Variants in AGFG2 observed in about 807,000 individuals in gnomAD.
The protein encoded by AGFG2 is arf-GAP domain and FG repeat-containing protein 2.
Under a neutral mutation model 48.0 loss-of-function variants are expected in AGFG2, and 31 were observed. The ratio of observed to expected loss-of-function variants is 0.65; its 90% CI spans 0.49 to 0.87. AGFG2 has a LOEUF of 0.87. Among genes scored for constraint, AGFG2 ranks in the 40% least tolerant of loss-of-function variants. The pLI is 0.00. For synonymous variants in AGFG2, 229 were observed against 260.8 expected, an observed-to-expected ratio of 0.88 and a Z score of 1.18; for missense variants, 599 against 632.6, an observed-to-expected ratio of 0.95 and a Z score of 0.57.
Position 100,562,992 on chromosome 7 carries a change from A to G in AGFG2, c.1171+46A>G. On this transcript the variant is annotated intron_variant, in intron 9 of 11. Coordinates refer to ENST00000300176, the MANE Select transcript of AGFG2 (RefSeq NM_006076.5). This position sits in a 1 kb window ranked among gnomAD's most constrained non-coding sequence, Gnocchi z 5.4. ...CTTGTCCTGACCATCTGAGACTTCCAAGGCACACATTACCCTGCAGCCTCT... is the reference window on the plus strand; with the variant it reads ...CTTGTCCTGACCATCTGAGACTTCCGAGGCACACATTACCCTGCAGCCTCT... 2 of 1,535,036 alleles carry G rather than the reference A, an allele frequency of 1.3e-6. No individual in the cohort carries two copies. Among genetic ancestry groups the G allele is most frequent in the African/African-American group, 1.4e-5 (1 of 73,044 alleles).
chr7:100,554,154 CCT>C lies in AGFG2; in HGVS notation c.650_651del (p.Ser217CysfsTer7), dbSNP rs776017832. On this transcript the variant is annotated frameshift_variant, in exon 5 of 12. Coordinates refer to ENST00000300176, the MANE Select transcript of AGFG2 (RefSeq NM_006076.5). LOFTEE classifies it high-confidence loss of function. ...CGGAGCACTCAGCCACCTCCCCACT[CCT>C]CTGTCAAAAAAGCCAGTACTGACCT... 2 of 1,614,240 alleles carry C rather than the reference CCT, an allele frequency of 1.2e-6. No individual in the cohort carries two copies. The highest frequency in any genetic ancestry group is 1.7e-6 in the Non-Finnish European group (2 of 1,180,048).
Position 100,565,073 on chromosome 7 carries a change from C to T in AGFG2, c.*82C>T, listed in dbSNP as rs1584393937. Reference sequence around the variant, plus strand: ...GCTCTGGTGACCACTTGCCTGTGGGCATTTCTATGGGCCTTGGGGATGGTG... The same window carrying T: ...GCTCTGGTGACCACTTGCCTGTGGGTATTTCTATGGGCCTTGGGGATGGTG... On this transcript the variant is annotated 3_prime_UTR_variant, in exon 12 of 12. Coordinates refer to ENST00000300176, the MANE Select transcript of AGFG2 (RefSeq NM_006076.5). The T allele has an allele frequency of 2.7e-6, 4 of 1,455,820 alleles. No individual in the cohort carries two copies. The highest frequency in any genetic ancestry group is 2.3e-5 in the South Asian group (2 of 87,858). The allele number at this position is 1,455,820 out of a possible 1,614,324, so 90.2% of individuals were successfully genotyped here. A position where few individuals can be genotyped will look rare whatever the true frequency, so the allele number is the denominator to read the frequency against.
At chr7:100,551,061 TATATATTTC>T (rs1381669855) in intron 3 of AGFG2, among the ~76,000 whole-genome samples, 11 of 113,126 alleles carry the variant, frequency 9.7e-5, no homozygotes, top group African/African-American at 4.2e-4. Context: ...TATATATATA[TATATATTTC>T]TTTTTTTTTT....
rs1800984771 is a variant in AGFG2, at chr7:100,565,384, TG to T, written c.*397del. 1 of 220,256 alleles carries T rather than the reference TG, an allele frequency of 4.5e-6. No individual in the cohort carries two copies. Among genetic ancestry groups the T allele is most frequent in the African/African-American group, 2.3e-5 (1 of 43,044 alleles). The allele number at this position is 220,256 out of a possible 1,614,324, so 13.6% of individuals were successfully genotyped here. A position where few individuals can be genotyped will look rare whatever the true frequency, so the allele number is the denominator to read the frequency against. Reference sequence around the variant, plus strand: ...GGGGAAAGATGAGGCACAGTGTTGATGGGGCAGTGACCAGACAGTCCTGAGA... The same window carrying T: ...GGGGAAAGATGAGGCACAGTGTTGATGGGCAGTGACCAGACAGTCCTGAGA... On this transcript the variant is annotated 3_prime_UTR_variant, in exon 12 of 12. Transcript: ENST00000300176.
chr7:100,560,273 G>C (rs1252832038), intron 6 of AGFG2, among the ~76,000 whole-genome samples: 1 of 151,976 alleles, frequency 6.6e-6, no homozygotes, highest in Non-Finnish European at 1.5e-5. Flanking sequence ...TCCTCTTCCA[G>C]GTTCAAGTGA....
intron 1 of AGFG2, among the ~76,000 whole-genome samples, chr7:100,541,010 C>CAAAAAAAAA (rs11353093): frequency 1.3e-5 from 1 of 75,560 alleles, no homozygotes; most frequent in Non-Finnish European, 2.6e-5. Flanking sequence ...GACACTGTCT[C>CAAAAAAAAA]AAAAAAAAAA....
intron 6 of AGFG2, among the ~76,000 whole-genome samples, chr7:100,561,642 C>A (rs959608669): frequency 2.0e-5 from 3 of 152,246 alleles, no homozygotes; most frequent in Non-Finnish European, 2.9e-5. Flanking sequence ...GGGCCTTGCC[C>A]TCTGTGCTTT....
Position 100,562,336 on chromosome 7 carries a change from A to C in AGFG2, c.955A>C (p.Ser319Arg). The C allele has an allele frequency of 6.2e-7, 1 of 1,614,118 alleles. No homozygotes were observed. Among genetic ancestry groups the C allele is most frequent in the African/African-American group, 1.3e-5 (1 of 75,054 alleles). ...GCCAAACAGCCTCGCAGACGTGGGC[A>C]GCTTCCTGGGACCCGGGGTGCCCGC... Reference protein sequence around the residue: ...SQPNSLADVGSFLGPGVPAAG... With the variant: ...SQPNSLADVGRFLGPGVPAAG... The change falls in exon 7 of 12, where the codon AGC becomes CGC. Residue 319 changes from serine (S) to arginine (R), a missense_variant. Ser to Arg is a moderately radical substitution (Grantham distance 110). Transcript: ENST00000300176. The surrounding 1 kb of genome is among the most constrained non-coding windows in gnomAD (Gnocchi z 5.4).
intron 1 of AGFG2, among the ~76,000 whole-genome samples, chr7:100,544,741 C>T (rs954987210): frequency 9.6e-4 from 8 of 8,368 alleles, no homozygotes; most frequent in African/African-American, 1.7e-3. Flanking sequence ...GGGTGGTGGG[C>T]GGGGGGGTGG....
At chr7:100,539,686 A>T in intron 1 of AGFG2, 119 bp downstream of exon 1, 5 of 732,142 alleles carry the variant, frequency 6.8e-6, no homozygotes, top group Non-Finnish European at 7.3e-6. Context: ...AGGGGAGGTC[A>T]GGGAACGCGC....
Position 100,566,341 on chromosome 7 carries a change from C to A in AGFG2, c.*1350C>A, listed in dbSNP as rs1801007450. On this transcript the variant is annotated 3_prime_UTR_variant, in exon 12 of 12. Transcript: ENST00000300176. ...ATTCTCTGCCCCAGGCTCTTTCCAC[C>A]TGGGGATGTTGTGACAACATCCAGC... The A allele has an allele frequency of 6.6e-6, 1 of 152,258 alleles. No individual in the cohort carries two copies. The highest frequency in any genetic ancestry group is 2.4e-5 in the African/African-American group (1 of 41,456). The allele number at this position is 152,258 out of a possible 1,614,324, so 9.4% of individuals were successfully genotyped here.
intron 1 of AGFG2, among the ~76,000 whole-genome samples, chr7:100,542,744 T>G (rs1800445073): frequency 6.6e-6 from 1 of 152,170 alleles, no homozygotes; most frequent in South Asian, 2.1e-4. Context: ...ATTAGCATCT[T>G]AAATCCCCAT....
chr7:100,563,398 G>C (rs1313251846), intron 9 of AGFG2, among the ~76,000 whole-genome samples: 2 of 152,222 alleles, frequency 1.3e-5, no homozygotes, highest in East Asian at 1.9e-4. Flanking sequence ...CTGAAGCCTT[G>C]AGGCTGGGGA....
intron 1 of AGFG2, among the ~76,000 whole-genome samples, chr7:100,548,228 C>T (rs1800551976): frequency 6.6e-6 from 1 of 152,002 alleles, no homozygotes; most frequent in Admixed American, 6.6e-5. Flanking sequence ...CAGGCTCTAC[C>T]TTTCCTCTCC....
At chr7:100,555,848 C>A in intron 6 of AGFG2, 113 bp downstream of exon 6, 1 of 1,437,142 alleles carries the variant, frequency 7.0e-7, no homozygotes, top group South Asian at 1.3e-5. Flanking sequence ...AGCAGCAAAG[C>A]ACAAAGAGAA....
intron 6 of AGFG2, among the ~76,000 whole-genome samples, chr7:100,557,771 C>T (rs1460022170): frequency 6.6e-6 from 1 of 151,954 alleles, no homozygotes; most frequent in Non-Finnish European, 1.5e-5. Context: ...ATGACACAAA[C>T]AAAGCTTAAA....
intron 2 of AGFG2, 132 bp from the exon 3 acceptor site, chr7:100,550,264 G>A: frequency 1.7e-6 from 1 of 595,022 alleles, no homozygotes; most frequent in South Asian, 1.9e-5. Flanking sequence ...CTGAGATCGT[G>A]CCACTGCACT....
At chr7:100,546,429 T>C (rs1800512186) in intron 1 of AGFG2, among the ~76,000 whole-genome samples, 1 of 152,192 alleles carries the variant, frequency 6.6e-6, no homozygotes, top group Non-Finnish European at 1.5e-5. Flanking sequence ...CTGTTTCTCT[T>C]CCTTCCGCAA....
chr7:100,554,274 G>A lies in AGFG2; in HGVS notation c.751+16G>A. 1 of 1,607,502 alleles carries A rather than the reference G, an allele frequency of 6.2e-7. No individual in the cohort carries two copies. On this transcript the variant is annotated intron_variant, in intron 5 of 11. Coordinates refer to ENST00000300176, the MANE Select transcript of AGFG2 (RefSeq NM_006076.5). Reference sequence around the variant, plus strand: ...GCCTTTGGGGGTAAGTGGGTTTTGGGATGGGACCCTCCCTACAGCGTATAT... The same window carrying A: ...GCCTTTGGGGGTAAGTGGGTTTTGGAATGGGACCCTCCCTACAGCGTATAT...
Sources: gnomAD v4.1 joint callset for allele counts (sites outside exome capture counted in the v4.1 genomes callset) on GRCh38, gnomAD v4.1.1 for gene constraint, Gnocchi (gnomAD v3.1) non-coding constraint, MANE v1.5 for transcripts, NCBI Gene and HGNC (gene_info 2026-07-23, HGNC 2026-07-21) for gene names.